The following EPC2 variants were observed in gnomAD, a reference collection of about 807,000 sequenced individuals.
EPC2 encodes enhancer of polycomb 2.
In EPC2, 14 loss-of-function variants were observed where a neutral mutation model predicts 92.1. The observed-to-expected ratio is 0.15, with a 90% CI of 0.10 to 0.24. EPC2 has a LOEUF of 0.24. Ranked by LOEUF, EPC2 falls within the 10% of genes least tolerant of loss-of-function variation. EPC2 has a pLI of 1.00. For missense variants in EPC2, 755 were observed against 971.5 expected (o/e 0.78, Z 2.96); for synonymous variants, 340 against 334.7 (o/e 1.02, Z -0.17).
chr2:148,690,183 C>G, intron 1 of EPC2, 31 bp from the exon 2 acceptor site: 1 of 1,554,496 alleles, frequency 6.4e-7, no homozygotes, highest in African/African-American at 1.4e-5. Flanking sequence ...ATTACTAAAA[C>G]AACTTATGTT....
intron 1 of EPC2, among the ~76,000 whole-genome samples, chr2:148,678,150 A>G (rs575629775): frequency 6.6e-6 from 1 of 152,102 alleles, no homozygotes; most frequent in South Asian, 2.1e-4. Flanking sequence ...CACGGTCCCC[A>G]CCAGAGTAGC....
chr2:148,658,848 G>A (rs908682078), intron 1 of EPC2, among the ~76,000 whole-genome samples: 36 of 151,644 alleles, frequency 2.4e-4, no homozygotes, highest in Admixed American at 2.2e-3. Flanking sequence ...TATTTTGTAT[G>A]ATTATTATAG....
chr2:148,681,836 C>T (rs2105366845), intron 1 of EPC2, among the ~76,000 whole-genome samples: 1 of 152,232 alleles, frequency 6.6e-6, no homozygotes, highest in Middle Eastern at 3.4e-3. Context: ...TCGTCATTTA[C>T]ATTAGGTATT....
At chr2:148,739,155 A>G (rs1682825641) in intron 2 of EPC2, among the ~76,000 whole-genome samples, 1 of 152,212 alleles carries the variant, frequency 6.6e-6, no homozygotes, top group Non-Finnish European at 1.5e-5. Context: ...TGCTTTCTAA[A>G]CTTTTCCCTC....
At chr2:148,732,981 A>T (rs1231233523) in intron 2 of EPC2, among the ~76,000 whole-genome samples, 1 of 149,750 alleles carries the variant, frequency 6.7e-6, no homozygotes. Context: ...TTAATAAAAA[A>T]CAAGAAACTA....
intron 10 of EPC2, among the ~76,000 whole-genome samples, chr2:148,775,707 T>A (rs1335740430): frequency 0.011 from 1,478 of 139,614 alleles, 23 homozygotes; most frequent in African/African-American, 0.034. Context: ...TAAATATCTT[T>A]ATTAAATAAA....
intron 2 of EPC2, among the ~76,000 whole-genome samples, chr2:148,709,811 T>G (rs1357365166): frequency 2.0e-5 from 3 of 152,226 alleles, no homozygotes; most frequent in African/African-American, 7.2e-5. Context: ...AAGCTGAACC[T>G]GGATCCCTTC....
At chr2:148,758,572 T>A (rs1392561283) in intron 4 of EPC2, among the ~76,000 whole-genome samples, 1 of 151,968 alleles carries the variant, frequency 6.6e-6, no homozygotes, top group Non-Finnish European at 1.5e-5. Flanking sequence ...ATTTTTGTAT[T>A]TTTAGTGGAG....
chr2:148,656,713 A>G (rs1374368365), intron 1 of EPC2, among the ~76,000 whole-genome samples: 1 of 152,234 alleles, frequency 6.6e-6, no homozygotes, highest in Non-Finnish European at 1.5e-5. Flanking sequence ...GACTGAATGT[A>G]CAGCACCTTC....
At chr2:148,651,723 A>G (rs1371925547) in intron 1 of EPC2, among the ~76,000 whole-genome samples, 2 of 152,186 alleles carry the variant, frequency 1.3e-5, no homozygotes, top group Non-Finnish European at 2.9e-5. Flanking sequence ...CATCACTACT[A>G]TCTCAGCTAA....
chr2:148,704,883 G>A (rs1305519492), intron 2 of EPC2, among the ~76,000 whole-genome samples: 2 of 151,336 alleles, frequency 1.3e-5, no homozygotes, highest in South Asian at 2.1e-4. Flanking sequence ...GATTTTTAAT[G>A]TGTATCTTTT....
intron 2 of EPC2, among the ~76,000 whole-genome samples, chr2:148,708,033 C>T (rs886907128): frequency 1.3e-5 from 2 of 151,654 alleles, no homozygotes; most frequent in African/African-American, 4.8e-5. Flanking sequence ...ACACAAAAAT[C>T]CCTTCAAAAA....
At chr2:148,681,430 ATC>A (rs1360147747) in intron 1 of EPC2, among the ~76,000 whole-genome samples, 1 of 152,208 alleles carries the variant, frequency 6.6e-6, no homozygotes, top group Admixed American at 6.5e-5. Context: ...GAGTTTACAA[ATC>A]TCTCAAAGGC....
intron 6 of EPC2, 108 bp downstream of exon 6, chr2:148,762,910 C>T (rs530088959): frequency 1.6e-6 from 2 of 1,251,998 alleles, no homozygotes; most frequent in African/African-American, 1.5e-5. Context: ...AAGTAATTAA[C>T]GTGACTTTAG....
At chr2:148,742,240 G>A (rs983198105) in intron 2 of EPC2, among the ~76,000 whole-genome samples, 2 of 152,132 alleles carry the variant, frequency 1.3e-5, no homozygotes, top group Admixed American at 6.5e-5. Flanking sequence ...CCTAGAAATA[G>A]AGTTGCCAAG....
intron 2 of EPC2, among the ~76,000 whole-genome samples, chr2:148,700,084 A>G (rs926003333): frequency 6.6e-6 from 1 of 151,662 alleles, no homozygotes; most frequent in Non-Finnish European, 1.5e-5. Context: ...TGCTTGTTTT[A>G]TTGTTGAGTT....
chr2:148,777,202 A>G (rs1277836385), intron 10 of EPC2, among the ~76,000 whole-genome samples: 2 of 151,698 alleles, frequency 1.3e-5, no homozygotes, highest in African/African-American at 4.8e-5. Context: ...AAGAAAAGAC[A>G]CTCTTGTAAC....
rs895982263 is a variant in EPC2, at chr2:148,787,346, G to A, written c.*969G>A. On this transcript the variant is annotated 3_prime_UTR_variant, in exon 14 of 14. Coordinates refer to ENST00000258484, the MANE Select transcript of EPC2 (RefSeq NM_015630.4). ...CTTTTCAATTTTGGAGAGTTTTCCTGTGGCTACAAGGCAAGTAACGGGTTG... is the reference window on the plus strand; with the variant it reads ...CTTTTCAATTTTGGAGAGTTTTCCTATGGCTACAAGGCAAGTAACGGGTTG... 1 of 152,612 alleles carries A rather than the reference G, an allele frequency of 6.6e-6. No homozygotes were observed. Among genetic ancestry groups the A allele is most frequent in the Non-Finnish European group, 1.5e-5 (1 of 68,026 alleles). The allele number at this position is 152,612 out of a possible 1,614,324, so 9.5% of individuals were successfully genotyped here.
Position 148,754,047 on chromosome 2 carries a change from A to C in EPC2, c.580A>C (p.Ile194Leu). ...CAGGGGGCCATCCCTCATTCCTCAG[A>C]TAAAACAAGAGAAAAGAGATGGCTC... is the stretch of plus-strand genomic sequence containing the variant. ...NCRGPSLIPQIKQEKRDGSTN... is the reference protein window; with the variant it reads ...NCRGPSLIPQLKQEKRDGSTN... Residue 194 changes from isoleucine to leucine, a missense_variant, in exon 4 of 14, where the codon ATA (isoleucine) becomes CTA (leucine). Around this residue, in one of 4 missense-constraint regions of EPC2, gnomAD observed 509 missense variants for 607.7 expected, o/e 0.84. Transcript: ENST00000258484. 1 of 1,611,508 alleles carries C rather than the reference A, an allele frequency of 6.2e-7. No homozygotes were observed. The highest frequency in any genetic ancestry group is 8.5e-7 in the Non-Finnish European group (1 of 1,178,810).
Sources: gnomAD v4.1 joint callset for allele counts (sites outside exome capture counted in the v4.1 genomes callset) on GRCh38, gnomAD v4.1.1 for gene constraint, gnomAD v4.1.1 regional missense constraint, MANE v1.5 for transcripts, NCBI Gene and HGNC (gene_info 2026-07-23, HGNC 2026-07-21) for gene names.